DPP10: variants seen among roughly 807,000 people sequenced by gnomAD.
DPP10 encodes the protein inactive dipeptidyl peptidase 10.
DPP10 carries 33 observed loss-of-function variants against 120.9 expected under a neutral mutation model. The observed-to-expected ratio is 0.27, with a 90% CI of 0.21 to 0.37. DPP10 has a LOEUF of 0.37. Among genes scored for constraint, DPP10 ranks in the 10% least tolerant of loss-of-function variants. The pLI, the probability that DPP10 is intolerant of heterozygous loss-of-function variation, is 1.00. For missense variants in DPP10, 816 were observed against 942.8 expected (o/e 0.87, Z 1.76); for synonymous variants, 337 against 326.1 (o/e 1.03, Z -0.36).
At chr2:114,469,694 C>A in intron 1 of DPP10, among the ~76,000 whole-genome samples, 1 of 152,034 alleles carries the variant, frequency 6.6e-6, no homozygotes, top group East Asian at 1.9e-4. Context: ...CACCACTGCA[C>A]TCCAGCCTGG....
chr2:114,796,821 A>T (rs1180164059), intron 1 of DPP10, among the ~76,000 whole-genome samples: 1 of 152,208 alleles, frequency 6.6e-6, no homozygotes, highest in Non-Finnish European at 1.5e-5. Flanking sequence ...ATTTGACTTT[A>T]GGTCCAGTGT....
At chr2:115,003,031 A>G (rs1459059868) in intron 1 of DPP10, among the ~76,000 whole-genome samples, 1 of 152,006 alleles carries the variant, frequency 6.6e-6, no homozygotes, top group Non-Finnish European at 1.5e-5. Flanking sequence ...AAAGGACTAC[A>G]TATTGTTTTA....
intron 1 of DPP10, among the ~76,000 whole-genome samples, chr2:114,925,046 C>T (rs137957509): frequency 0.017 from 2,591 of 152,034 alleles, 71 homozygotes; most frequent in African/African-American, 0.059. Context: ...CCCGTCTCTA[C>T]TAAAAATACA....
intron 1 of DPP10, among the ~76,000 whole-genome samples, chr2:115,275,566 G>T (rs1006929603): frequency 6.6e-6 from 1 of 152,062 alleles, no homozygotes; most frequent in African/African-American, 2.4e-5. Context: ...TATAAGTCAC[G>T]TTAGCCGCAA....
At chr2:114,989,908 A>G (rs1700659714) in intron 1 of DPP10, among the ~76,000 whole-genome samples, 1 of 152,206 alleles carries the variant, frequency 6.6e-6, no homozygotes, top group Non-Finnish European at 1.5e-5. Flanking sequence ...GTAAGAGCAG[A>G]GTTTATTAGT....
At chr2:114,695,345 A>T (rs1319461732) in intron 1 of DPP10, among the ~76,000 whole-genome samples, 1 of 152,070 alleles carries the variant, frequency 6.6e-6, no homozygotes, top group African/African-American at 2.4e-5. Flanking sequence ...TGCCATGCAG[A>T]TCTAGAGCGG....
chr2:115,090,389 G>A (rs950908229), intron 1 of DPP10, among the ~76,000 whole-genome samples: 7 of 152,112 alleles, frequency 4.6e-5, no homozygotes, highest in African/African-American at 1.7e-4. Context: ...TCTACCTAGA[G>A]TAGCTATTTG....
At chr2:115,327,435 A>G (rs1380715325) in intron 2 of DPP10, among the ~76,000 whole-genome samples, 1 of 152,060 alleles carries the variant, frequency 6.6e-6, no homozygotes, top group Admixed American at 6.6e-5. Flanking sequence ...ATCAAACTTA[A>G]GATGGAGAAT....
At chr2:115,703,010 T>G (rs925573353) in intron 7 of DPP10, among the ~76,000 whole-genome samples, 1 of 151,922 alleles carries the variant, frequency 6.6e-6, no homozygotes, top group Non-Finnish European at 1.5e-5. Context: ...GTAGAACGTT[T>G]TGAAATTGAT....
chr2:114,898,861 CA>C (rs1558858840), intron 1 of DPP10, among the ~76,000 whole-genome samples: 1 of 152,072 alleles, frequency 6.6e-6, no homozygotes, highest in Non-Finnish European at 1.5e-5. Flanking sequence ...CCAATTTTCC[CA>C]ATTTCTTTTC....
Position 114,887,938 on chromosome 2 carries a change from G to C in DPP10, c.61-421301G>C, listed in dbSNP as rs548097303. Among the ~76,000 whole-genome samples, 12 of 152,158 alleles carry C rather than the reference G, an allele frequency of 7.9e-5. No individual in the cohort carries two copies. The East Asian group carries it at 2.3e-3, about 29-fold the overall frequency. The stretch of plus-strand genomic sequence containing the variant: ...GTGGATCACGAGGTCAGGAGATCGA[G>C]ACCATCCTGGCTAACACAGTGAAAC... On this transcript the variant is annotated intron_variant, in intron 1 of 25. Coordinates refer to ENST00000410059, the MANE Select transcript of DPP10 (RefSeq NM_020868.6).
At chr2:115,055,166 G>A (rs1352053442) in intron 1 of DPP10, among the ~76,000 whole-genome samples, 1 of 152,042 alleles carries the variant, frequency 6.6e-6, no homozygotes, top group Non-Finnish European at 1.5e-5. Context: ...CTTTCAAAGA[G>A]GCTAGCTCTT....
intron 1 of DPP10, among the ~76,000 whole-genome samples, chr2:114,477,527 A>G (rs200662890): frequency 4.3e-5 from 1 of 23,166 alleles, no homozygotes; most frequent in Admixed American, 4.9e-4. Context: ...GTATATATGT[A>G]TATATATATA....
rs189337559 is a variant in DPP10 at position 115,777,299 on chromosome 2, T to A, written c.1313T>A (p.Ile438Asn). The A allele has an allele frequency of 6.2e-7, 1 of 1,612,106 alleles. No individual in the cohort carries two copies. Among genetic ancestry groups the A allele is most frequent in the Non-Finnish European group, 8.5e-7 (1 of 1,178,608 alleles). Residue 438 changes from isoleucine (I) to asparagine (N), a missense_variant and splice_region_variant, in exon 14 of 26, where the codon ATT (isoleucine) becomes AAT (asparagine). Transcript: ENST00000410059. ...ILAYDETTQK[I>N]YFLSTESSPR... Reference sequence around the variant, plus strand: ...GCATACGATGAAACTACTCAAAAAATGTGAGTGTTTTCAGTTCTCTAGTCA... The same window carrying A: ...GCATACGATGAAACTACTCAAAAAAAGTGAGTGTTTTCAGTTCTCTAGTCA...
At chr2:115,745,411 C>T (rs1344937025) in intron 9 of DPP10, among the ~76,000 whole-genome samples, 1 of 150,468 alleles carries the variant, frequency 6.6e-6, no homozygotes. Flanking sequence ...TGTTGATTCA[C>T]TGAACTCAAA....
At chr2:114,978,384 C>A (rs1403878888) in intron 1 of DPP10, among the ~76,000 whole-genome samples, 1 of 152,054 alleles carries the variant, frequency 6.6e-6, no homozygotes, top group Non-Finnish European at 1.5e-5. Context: ...TCCAGGGTAC[C>A]ACACTTTGAA....
At chr2:115,233,861 C>T (rs183694331) in intron 1 of DPP10, 1 of 488,602 alleles carries the variant, frequency 2.0e-6, no homozygotes, top group African/African-American at 1.9e-5. Context: ...CCATCTTCCA[C>T]ACACATACCC....
intron 5 of DPP10, among the ~76,000 whole-genome samples, chr2:115,674,899 A>G (rs1325393713): frequency 6.6e-6 from 1 of 152,178 alleles, no homozygotes; most frequent in Non-Finnish European, 1.5e-5. Flanking sequence ...CTAGAGTTCC[A>G]TTCTCTCTTG....
intron 1 of DPP10, among the ~76,000 whole-genome samples, chr2:115,019,131 G>A (rs970948221): frequency 2.6e-5 from 4 of 151,600 alleles, no homozygotes; most frequent in South Asian, 2.1e-4. Context: ...TATGGGGAGC[G>A]GTGCAAGGAC....
Sources: allele counts gnomAD v4.1 joint callset (sites outside exome capture counted in the v4.1 genomes callset), GRCh38; gene constraint gnomAD v4.1.1; transcripts MANE v1.5; gene names NCBI Gene and HGNC (gene_info 2026-07-23, HGNC 2026-07-21).